The following BIRC6 variants were observed in gnomAD, a reference collection of about 807,000 sequenced individuals.
BIRC6 encodes baculoviral IAP repeat containing 6.
Under a neutral mutation model 503.3 loss-of-function variants are expected in BIRC6, and 98 were observed. The observed-to-expected ratio is 0.19, with a 90% confidence interval of 0.17 to 0.23. BIRC6 has a LOEUF of 0.23. Ranked by LOEUF, BIRC6 falls within the 10% of genes least tolerant of loss-of-function variation. The pLI, the probability that BIRC6 is intolerant of heterozygous loss-of-function variation, is 1.00. For missense variants in BIRC6, 5,360 were observed against 5,806.0 expected, an observed-to-expected ratio of 0.92 and a Z score of 2.50; for synonymous variants, 2,240 against 2,078.7, an observed-to-expected ratio of 1.08 and a Z score of -2.11.
At chr2:32,589,763 A>C (rs935628104) in intron 66 of BIRC6, among the ~76,000 whole-genome samples, 14 of 152,082 alleles carry the variant, frequency 9.2e-5, no homozygotes, top group African/African-American at 3.1e-4. Context: ...GAAACATATT[A>C]TTTGTGGCAA....
chr2:32,594,692 G>A (rs942969539), intron 67 of BIRC6, among the ~76,000 whole-genome samples: 1 of 145,412 alleles, frequency 6.9e-6, no homozygotes, highest in Non-Finnish European at 1.5e-5. Context: ...GTAATACTCT[G>A]TTTCCAGATA....
chr2:32,425,991 C>T (rs1435276426), intron 10 of BIRC6, among the ~76,000 whole-genome samples: 2 of 152,204 alleles, frequency 1.3e-5, no homozygotes, highest in Non-Finnish European at 2.9e-5. Context: ...AGAAATCAGT[C>T]TCCTCTGTTT....
intron 22 of BIRC6, 82 bp downstream of exon 22, chr2:32,449,010 A>C (rs950968178): frequency 2.2e-6 from 3 of 1,358,528 alleles, no homozygotes; most frequent in Non-Finnish European, 3.0e-6. Context: ...GATTATAGTC[A>C]TGATGTTTTG....
intron 39 of BIRC6, among the ~76,000 whole-genome samples, chr2:32,484,398 A>G (rs2050757646): frequency 6.6e-6 from 1 of 151,892 alleles, no homozygotes; most frequent in Non-Finnish European, 1.5e-5. Context: ...CTACAAATAT[A>G]AAAAAATTAG....
intron 65 of BIRC6, among the ~76,000 whole-genome samples, chr2:32,560,342 A>C (rs933780650): frequency 6.6e-6 from 1 of 152,160 alleles, no homozygotes; most frequent in Non-Finnish European, 1.5e-5. Context: ...CTCGTGTGCC[A>C]GTGCTTATTA....
At chr2:32,423,579 CT>C (rs2043164502) in intron 10 of BIRC6, among the ~76,000 whole-genome samples, 1 of 152,148 alleles carries the variant, frequency 6.6e-6, no homozygotes, top group East Asian at 1.9e-4. Context: ...GTTTCTTTCA[CT>C]CAGCATATTT....
intron 23 of BIRC6, among the ~76,000 whole-genome samples, chr2:32,459,454 G>C (rs1423290932): frequency 1.3e-5 from 2 of 151,700 alleles, no homozygotes; most frequent in African/African-American, 2.4e-5. Context: ...AGTTCTCTTG[G>C]GTATGTACCT....
At chr2:32,386,193 A>G (rs903939200) in intron 3 of BIRC6, among the ~76,000 whole-genome samples, 3 of 152,178 alleles carry the variant, frequency 2.0e-5, no homozygotes, top group Non-Finnish European at 4.4e-5. Flanking sequence ...CTGCCAGGTA[A>G]AAGTGGACTT....
chr2:32,468,971 T>C (rs2048842975), intron 29 of BIRC6, among the ~76,000 whole-genome samples, 188 bp downstream of exon 29: 1 of 152,174 alleles, frequency 6.6e-6, no homozygotes, highest in Admixed American at 6.5e-5. Flanking sequence ...TTAAATGAAG[T>C]TGTGTGTGTT....
intron 6 of BIRC6, among the ~76,000 whole-genome samples, chr2:32,398,513 ACAATTTAAGACCCTGTATTT>A (rs922299721): frequency 4.6e-5 from 7 of 152,212 alleles, no homozygotes; most frequent in African/African-American, 1.7e-4. Context: ...CAATTGTTTA[ACAATTTAAGACCCTGTATTT>A]TATTTTTAAA....
intron 9 of BIRC6, among the ~76,000 whole-genome samples, chr2:32,410,950 T>G (rs750325486): frequency 1.3e-5 from 2 of 152,176 alleles, no homozygotes; most frequent in Non-Finnish European, 2.9e-5. Flanking sequence ...TCCACCCTCC[T>G]CGGCCTCCCA....
At chr2:32,542,120 A>G (rs2057708392) in intron 61 of BIRC6, among the ~76,000 whole-genome samples, 1 of 151,870 alleles carries the variant, frequency 6.6e-6, no homozygotes, top group Admixed American at 6.6e-5. Flanking sequence ...TTATGTCTAT[A>G]TATATATATA....
chr2:32,475,475 G>T (rs2049643643), intron 33 of BIRC6, among the ~76,000 whole-genome samples: 2 of 152,272 alleles, frequency 1.3e-5, no homozygotes, highest in African/African-American at 2.4e-5. Context: ...CTTATAAAAG[G>T]ATATGAGGGA....
At chr2:32,466,395 C>G (rs1239940220) in intron 26 of BIRC6, among the ~76,000 whole-genome samples, 2 of 152,108 alleles carry the variant, frequency 1.3e-5, no homozygotes, top group Admixed American at 1.3e-4. Flanking sequence ...GCTGAAGAGA[C>G]TGGGATATGT....
At chr2:32,418,509 T>C (rs1192078656) in intron 10 of BIRC6, among the ~76,000 whole-genome samples, 3 of 152,198 alleles carry the variant, frequency 2.0e-5, no homozygotes, top group South Asian at 2.1e-4. Context: ...CAACAAAAGA[T>C]GAAGAATCTT....
At chr2:32,404,494 T>C (rs2040968214) in intron 8 of BIRC6, among the ~76,000 whole-genome samples, 1 of 151,576 alleles carries the variant, frequency 6.6e-6, no homozygotes, top group African/African-American at 2.4e-5. Context: ...TTTGTATTTT[T>C]AGTAGAGACG....
intron 66 of BIRC6, among the ~76,000 whole-genome samples, chr2:32,590,594 T>C (rs1029134825): frequency 6.6e-6 from 1 of 152,200 alleles, no homozygotes; most frequent in Non-Finnish European, 1.5e-5. Context: ...TTCAATATAA[T>C]TGAATGTTGA....
At chr2:32,549,034 A>G in intron 64 of BIRC6, 1 of 215,366 alleles carries the variant, frequency 4.6e-6, no homozygotes, top group Non-Finnish European at 9.0e-6. Flanking sequence ...AAAATATGTA[A>G]ATAATACAGA....
intron 1 of BIRC6, among the ~76,000 whole-genome samples, chr2:32,360,910 G>A (rs1182286422): frequency 6.6e-6 from 1 of 151,882 alleles, no homozygotes; most frequent in African/African-American, 2.4e-5. Context: ...GTGTGTGTAT[G>A]TATATATTTA....
Sources: allele counts gnomAD v4.1 joint callset (sites outside exome capture counted in the v4.1 genomes callset), GRCh38; gene constraint gnomAD v4.1.1; transcripts MANE v1.5; gene names NCBI Gene and HGNC (gene_info 2026-07-23, HGNC 2026-07-21).